The following RBFOX1 variants were observed in gnomAD, a reference collection of about 807,000 sequenced individuals.
RBFOX1 encodes the protein RNA binding protein fox-1 homolog 1.
In RBFOX1, 8 loss-of-function variants were observed where a neutral mutation model predicts 57.7. That is an observed-to-expected ratio of 0.14 (90% confidence interval 0.08 to 0.25). The LOEUF is 0.25. RBFOX1 is among the 10% of genes least tolerant of loss of function. The pLI is 1.00. For missense variants in RBFOX1, 611 were observed against 548.5 expected (o/e 1.11, Z -1.14); for synonymous variants, 326 against 222.4 (o/e 1.47, Z -4.15).
At chr16:5,747,999 G>C (rs7500638) in intron 3 of RBFOX1, among the ~76,000 whole-genome samples, 69,922 of 151,682 alleles carry the variant, frequency 0.46, 16,503 homozygotes, top group East Asian at 0.61. Flanking sequence ...CCTGCTTTCT[G>C]TTGTGGGCAT....
chr16:5,273,827 C>A (rs995855226), intron 1 of RBFOX1, among the ~76,000 whole-genome samples: 1 of 152,120 alleles, frequency 6.6e-6, no homozygotes, highest in Non-Finnish European at 1.5e-5. Context: ...GTAGTTCCTA[C>A]CTGGCTTTCC....
At chr16:6,530,419 G>A (rs2096641178) in intron 2 of RBFOX1, among the ~76,000 whole-genome samples, 1 of 152,138 alleles carries the variant, frequency 6.6e-6, no homozygotes, top group Non-Finnish European at 1.5e-5. Context: ...GGGAGACAGT[G>A]GGCTGTAGCA....
intron 3 of RBFOX1, among the ~76,000 whole-genome samples, chr16:6,812,577 G>T (rs12598719): frequency 0.072 from 10,940 of 151,958 alleles, 520 homozygotes; most frequent in African/African-American, 0.12. Flanking sequence ...GGGTTTCAGC[G>T]TGTTGGCCAG....
intron 1 of RBFOX1, among the ~76,000 whole-genome samples, chr16:6,242,031 T>G (rs1183132579): frequency 6.6e-6 from 1 of 152,214 alleles, no homozygotes; most frequent in Non-Finnish European, 1.5e-5. Context: ...AATAAGAATT[T>G]CAAACATAGA....
rs111505086 is a variant in RBFOX1, at chr16:6,500,046, C to T, written c.-63-154557C>T. Among the ~76,000 whole-genome samples the T allele has an allele frequency of 5.0e-3, 765 of 152,184 alleles. 11 individuals are homozygous for T. The highest frequency in any genetic ancestry group is 0.017 in the African/African-American group (721 of 41,526). On this transcript the variant is annotated intron_variant, in intron 2 of 15. Transcript: ENST00000550418. ...ACTGAATTAGCACAATGTTTTATTT[C>T]TTCTTTTGTGAACCGGGTGTGAATG...
chr16:6,768,258 T>G (rs1229575435), intron 3 of RBFOX1, among the ~76,000 whole-genome samples: 1 of 152,076 alleles, frequency 6.6e-6, no homozygotes, highest in African/African-American at 2.4e-5. Context: ...TCCATATACT[T>G]TTTTTTCCTG....
intron 3 of RBFOX1, among the ~76,000 whole-genome samples, chr16:6,831,307 C>T (rs72766783): frequency 0.06 from 9,170 of 152,240 alleles, 416 homozygotes; most frequent in Non-Finnish European, 0.098. Flanking sequence ...ACAGAAACAA[C>T]TTCTTGGACT....
chr16:5,449,065 A>T (rs543687898), intron 1 of RBFOX1, among the ~76,000 whole-genome samples: 1 of 152,190 alleles, frequency 6.6e-6, no homozygotes, highest in African/African-American at 2.4e-5. Context: ...ACGTTACCCC[A>T]AACTGGGATC....
rs544490045 is a variant in RBFOX1 at position 6,626,602 on chromosome 16, A to T, written c.-63-28001A>T. Among the ~76,000 whole-genome samples the T allele has an allele frequency of 2.4e-4, 37 of 152,202 alleles. 1 individual carries two copies. The highest frequency in any genetic ancestry group is 8.9e-4 in the African/African-American group (37 of 41,526). The stretch of plus-strand genomic sequence containing the variant: ...TGGTGAAACCCTGTCTCTACTAAAA[A>T]TACAGAAATTAGCTAGGTATGGTGG... On this transcript the variant is annotated intron_variant, in intron 2 of 15. Transcript: ENST00000550418.
intron 2 of RBFOX1, among the ~76,000 whole-genome samples, chr16:6,528,835 G>A (rs989736196): frequency 6.6e-6 from 1 of 152,114 alleles, no homozygotes; most frequent in African/African-American, 2.4e-5. Flanking sequence ...CCCATCCAAG[G>A]CCAGGTTGTG....
chr16:5,330,760 A>G (rs922483592), intron 1 of RBFOX1, among the ~76,000 whole-genome samples: 2 of 150,642 alleles, frequency 1.3e-5, no homozygotes, highest in African/African-American at 4.9e-5. Flanking sequence ...GACAAGGAGC[A>G]TCATTTAAGG....
intron 3 of RBFOX1, among the ~76,000 whole-genome samples, chr16:5,778,951 C>G (rs187711365): frequency 7.2e-5 from 11 of 152,144 alleles, no homozygotes; most frequent in Admixed American, 6.5e-5. Context: ...TTTTTTTATT[C>G]ATTAAGCCCC....
At chr16:6,599,262 C>T (rs754621123) in intron 2 of RBFOX1, among the ~76,000 whole-genome samples, 1 of 152,170 alleles carries the variant, frequency 6.6e-6, no homozygotes, top group Non-Finnish European at 1.5e-5. Flanking sequence ...TGGGGCTTTG[C>T]ATAACTTCCA....
chr16:7,329,268 T>G (rs1159866560), intron 4 of RBFOX1, among the ~76,000 whole-genome samples: 1 of 152,236 alleles, frequency 6.6e-6, no homozygotes, highest in Non-Finnish European at 1.5e-5. Context: ...TCTGCCTGTT[T>G]CTTAGCCACT....
chr16:6,585,400 C>T (rs958114200), intron 2 of RBFOX1, among the ~76,000 whole-genome samples: 2 of 152,278 alleles, frequency 1.3e-5, no homozygotes, highest in South Asian at 2.1e-4. Flanking sequence ...TTTACTTCGA[C>T]TCTTTTTTCA....
At chr16:7,273,921 C>A (rs967070797) in intron 4 of RBFOX1, among the ~76,000 whole-genome samples, 1 of 152,164 alleles carries the variant, frequency 6.6e-6, no homozygotes, top group Non-Finnish European at 1.5e-5. Flanking sequence ...TTGATTGCTT[C>A]TGTTTTTCTG....
intron 3 of RBFOX1, among the ~76,000 whole-genome samples, chr16:6,842,297 T>A (rs2093517912): frequency 1.5e-5 from 2 of 131,728 alleles, no homozygotes; most frequent in Admixed American, 7.5e-5. Flanking sequence ...AACAACTTTC[T>A]TAATTATTTT....
At chr16:5,381,121 G>A (rs1380130263) in intron 1 of RBFOX1, among the ~76,000 whole-genome samples, 3 of 152,208 alleles carry the variant, frequency 2.0e-5, no homozygotes, top group African/African-American at 7.2e-5. Flanking sequence ...GCTGAAGGAG[G>A]AAGAGGGACT....
intron 2 of RBFOX1, among the ~76,000 whole-genome samples, chr16:6,429,636 A>T (rs1169074567): frequency 6.6e-6 from 1 of 152,182 alleles, no homozygotes; most frequent in Non-Finnish European, 1.5e-5. Flanking sequence ...AGGTGGAGAT[A>T]ATTGAATCAT....
Sources: allele counts gnomAD v4.1 joint callset (sites outside exome capture counted in the v4.1 genomes callset), GRCh38; gene constraint gnomAD v4.1.1; transcripts MANE v1.5; gene names NCBI Gene and HGNC (gene_info 2026-07-23, HGNC 2026-07-21).